ZNF565: variants seen among roughly 807,000 people sequenced by gnomAD.
ZNF565 encodes the protein zinc finger protein 565.
ZNF565 carries 27 observed loss-of-function variants against 39.4 expected under a neutral mutation model. The ratio of observed to expected loss-of-function variants is 0.69; its 90% CI spans 0.51 to 0.95. ZNF565 has a LOEUF of 0.95. ZNF565 is among the 40% of genes least tolerant of loss of function. The probability of loss-of-function intolerance (pLI) is 0.00; values close to 1 mark genes in which losing one functional copy is unlikely to be tolerated. For synonymous variants in ZNF565, 185 were observed against 216.6 expected (o/e 0.85, Z 1.28); for missense variants, 524 against 621.1 (o/e 0.84, Z 1.66).
At chr19:36,197,239 T>C (rs903049134) in intron 2 of ZNF565, among the ~76,000 whole-genome samples, 1 of 151,938 alleles carries the variant, frequency 6.6e-6, no homozygotes, top group Non-Finnish European at 1.5e-5. Context: ...GCTACTGCAC[T>C]CCAGCCTGGG....
intron 1 of ZNF565, among the ~76,000 whole-genome samples, chr19:36,242,824 C>T (rs2145480525): frequency 6.6e-6 from 1 of 152,302 alleles, no homozygotes; most frequent in South Asian, 2.1e-4. Flanking sequence ...AAAAGATGTT[C>T]ATAAATCATT....
chr19:36,196,623 T>C (rs1254069292), intron 2 of ZNF565, among the ~76,000 whole-genome samples: 1 of 152,088 alleles, frequency 6.6e-6, no homozygotes, highest in African/African-American at 2.4e-5. Context: ...ATAAGCGAAA[T>C]AGTGAAATAC....
chr19:36,203,931 G>C (rs1976058918), intron 1 of ZNF565, among the ~76,000 whole-genome samples: 1 of 151,748 alleles, frequency 6.6e-6, no homozygotes, highest in Admixed American at 6.6e-5. Flanking sequence ...CTTCCTGTAG[G>C]GGGTGTGTCA....
At chr19:36,189,519 A>T (rs1323018560) in intron 4 of ZNF565, among the ~76,000 whole-genome samples, 3 of 150,164 alleles carry the variant, frequency 2.0e-5, no homozygotes, top group Non-Finnish European at 4.4e-5. Context: ...ATGGGGTTTC[A>T]CCATGTTGGC....
At chr19:36,227,355 C>T (rs573507770) in intron 1 of ZNF565, among the ~76,000 whole-genome samples, 1 of 149,946 alleles carries the variant, frequency 6.7e-6, no homozygotes, top group South Asian at 2.1e-4. Flanking sequence ...CGTCACTGCA[C>T]TCCCAGCCTG....
intron 1 of ZNF565, among the ~76,000 whole-genome samples, chr19:36,202,719 T>C (rs575994091): frequency 6.6e-6 from 1 of 152,130 alleles, no homozygotes; most frequent in Non-Finnish European, 1.5e-5. Context: ...AGGCCAAATC[T>C]TGAGTAAAAG....
intron 1 of ZNF565, among the ~76,000 whole-genome samples, chr19:36,227,823 G>A (rs10419269): frequency 0.26 from 39,392 of 152,084 alleles, 5,504 homozygotes; most frequent in African/African-American, 0.37. Flanking sequence ...CCGAAGTGTT[G>A]GGATTATAGG....
chr19:36,233,365 G>A (rs1766638554), intron 1 of ZNF565, among the ~76,000 whole-genome samples: 1 of 152,164 alleles, frequency 6.6e-6, no homozygotes, highest in East Asian at 1.9e-4. Flanking sequence ...GAAGGGGTGG[G>A]TTTCCCCTCC....
chr19:36,188,454 G>A (rs1480322150), intron 4 of ZNF565, among the ~76,000 whole-genome samples: 3 of 152,066 alleles, frequency 2.0e-5, no homozygotes, highest in Non-Finnish European at 2.9e-5. Flanking sequence ...GGTCATGCCT[G>A]TAACCCCAGC....
rs112487353 is a variant in ZNF565 at position 36,195,939 on chromosome 19, A to ATT, written c.10-785_10-784dup. On this transcript the variant is annotated intron_variant, in intron 2 of 4. Transcript: ENST00000304116. ...AAATATCTTAATGAGAAGATGAAGAATTTTTTTTTTTTTTTGAGACAGAGT... is the reference window on the plus strand; with the variant it reads ...AAATATCTTAATGAGAAGATGAAGAATTTTTTTTTTTTTTTTTGAGACAGAGT... Among the ~76,000 whole-genome samples, 182 of 141,554 alleles carry ATT rather than the reference A, an allele frequency of 1.3e-3. 1 individual carries two copies. The highest frequency in any genetic ancestry group is 1.5e-3 in the Admixed American group (21 of 14,062). 92.9% of individuals were successfully genotyped at this position (141,554 alleles called of 152,430 possible). A position where few individuals can be genotyped will look rare whatever the true frequency, so the allele number is the denominator to read the frequency against.
At chr19:36,191,707 A>G (rs1410397893) in intron 4 of ZNF565, among the ~76,000 whole-genome samples, 1 of 152,192 alleles carries the variant, frequency 6.6e-6, no homozygotes, top group African/African-American at 2.4e-5. Context: ...TCATTGAATG[A>G]ACAAGTGAAT....
chr19:36,233,863 C>G (rs1977513825), intron 1 of ZNF565, among the ~76,000 whole-genome samples: 1 of 152,194 alleles, frequency 6.6e-6, no homozygotes, highest in Non-Finnish European at 1.5e-5. Context: ...CTTATCTCAA[C>G]TGCAAAGAGG....
At chr19:36,186,752 C>T (rs575813948) in intron 4 of ZNF565, among the ~76,000 whole-genome samples, 2 of 152,134 alleles carry the variant, frequency 1.3e-5, no homozygotes, top group Admixed American at 1.3e-4. Flanking sequence ...AGTGCCACTG[C>T]ACTCCAGCCT....
intron 3 of ZNF565, 168 bp from the exon 4 acceptor site, chr19:36,194,496 C>G: frequency 1.9e-6 from 1 of 537,212 alleles, no homozygotes; most frequent in African/African-American, 1.9e-5. Context: ...CCACAAAGCA[C>G]AAAACAATTT....
chr19:36,200,130 A>G lies in ZNF565; in HGVS notation c.9+1847T>C, dbSNP rs141003022. Among the ~76,000 whole-genome samples the G allele has an allele frequency of 1.3e-4, 20 of 151,886 alleles. No individual in the cohort carries two copies. In the East Asian group the frequency reaches 3.9e-3, roughly 29 times the overall value. ...AACCTCTGCCTCCCAGGTTCAAGCGATTCTCGTGCCTCAGTCTCCTGAGCA... is the reference window on the plus strand; with the variant it reads ...AACCTCTGCCTCCCAGGTTCAAGCGGTTCTCGTGCCTCAGTCTCCTGAGCA... On this transcript the variant is annotated intron_variant, in intron 2 of 4. Transcript: ENST00000304116.
rs568223482 is a variant in ZNF565 at position 36,187,639 on chromosome 19, A to G, written c.233-3906T>C. On this transcript the variant is annotated intron_variant, in intron 4 of 4. Coordinates refer to ENST00000304116, the MANE Select transcript of ZNF565 (RefSeq NM_152477.5). ...CCAAAGTGCTGGGATTACAGGCATG[A>G]GCCATGGTGCCCGGCCGAGACAGAG... Among the ~76,000 whole-genome samples the G allele has an allele frequency of 3.1e-4, 44 of 143,586 alleles. No individual in the cohort carries two copies. The South Asian group carries it at 9.3e-3, about 30-fold the overall frequency. The allele number at this position is 143,586 out of a possible 152,430, so 94.2% of individuals were successfully genotyped here.
Position 36,194,279 on chromosome 19 carries a change from T to C in ZNF565, c.186A>G (p.Lys62=), listed in dbSNP as rs146680740. 12 of 1,613,146 alleles carry C rather than the reference T, an allele frequency of 7.4e-6. No homozygotes were observed. The highest frequency in any genetic ancestry group is 5.3e-5 in the African/African-American group (4 of 75,038). ...CATCATTTGCAATCATCCAGGGCTC[T>C]TTCCCTTGCTCCAATAAGGAGACGA... is the stretch of plus-strand genomic sequence containing the variant. ...PDVVSLLEQG[K]EPWMIANDVT... is the part of the protein sequence containing the mutation. The change falls in exon 4 of 5, where the codon AAA becomes AAG. Residue 62 remains lysine, a synonymous_variant. Coordinates refer to ENST00000304116, the MANE Select transcript of ZNF565 (RefSeq NM_152477.5).
chr19:36,207,231 G>T lies in ZNF565; in HGVS notation c.-65-5181C>A, dbSNP rs557913237. Among the ~76,000 whole-genome samples, 11 of 152,226 alleles carry T rather than the reference G, an allele frequency of 7.2e-5. No homozygotes were observed. The South Asian group carries it at 2.1e-3, about 29-fold the overall frequency. On this transcript the variant is annotated intron_variant, in intron 1 of 4. Coordinates refer to ENST00000304116, the MANE Select transcript of ZNF565 (RefSeq NM_152477.5). Reference sequence around the variant, plus strand: ...AAGGTACGAAACTTTTAAAGCCAAGGAATGGCATAATCTGATTTATATTTA... The same window carrying T: ...AAGGTACGAAACTTTTAAAGCCAAGTAATGGCATAATCTGATTTATATTTA...
chr19:36,235,766 C>T (rs1027455601), intron 1 of ZNF565: 6 of 152,138 alleles, frequency 3.9e-5, no homozygotes, highest in Admixed American at 2.0e-4. Flanking sequence ...AGAAAAAGAG[C>T]GTTGAATATA....
Sources: allele counts gnomAD v4.1 joint callset (sites outside exome capture counted in the v4.1 genomes callset), GRCh38; gene constraint gnomAD v4.1.1; transcripts MANE v1.5; gene names NCBI Gene and HGNC (gene_info 2026-07-23, HGNC 2026-07-21).